The following NOS2 variants were observed in gnomAD, a reference collection of about 807,000 sequenced individuals.
The protein encoded by NOS2 is nitric oxide synthase, inducible.
A neutral mutation model predicts 136.0 loss-of-function variants in NOS2; 96 were observed. The observed-to-expected ratio is 0.71, with a 90% confidence interval of 0.60 to 0.84. The LOEUF (loss-of-function observed/expected upper bound fraction) is 0.84, where lower values mean the gene tolerates loss of function less well. NOS2 is among the 40% of genes least tolerant of loss of function. The probability of loss-of-function intolerance (pLI) is 0.00; values close to 1 mark genes in which losing one functional copy is unlikely to be tolerated. For synonymous variants in NOS2, 539 were observed against 587.5 expected (o/e 0.92, Z 1.20); for missense variants, 1,237 against 1,496.9 (o/e 0.83, Z 2.87).
chr17:27,786,202 C>CACA (rs1909018004), intron 5 of NOS2, among the ~76,000 whole-genome samples: 1 of 151,758 alleles, frequency 6.6e-6, no homozygotes, highest in Non-Finnish European at 1.5e-5. Flanking sequence ...GTGGGTGGAT[C>CACA]ACAAGGTCAG....
intron 19 of NOS2, 51 bp from the exon 20 acceptor site, chr17:27,765,767 G>A (rs867721838): frequency 6.6e-7 from 1 of 1,519,166 alleles, no homozygotes; most frequent in Non-Finnish European, 8.9e-7. Context: ...TTCCTCCAGG[G>A]CTCCTTGATG....
chr17:27,784,071 T>C (rs1908935984), intron 5 of NOS2, among the ~76,000 whole-genome samples: 1 of 150,288 alleles, frequency 6.7e-6, no homozygotes, highest in Non-Finnish European at 1.5e-5. Context: ...GCTTCTCTCC[T>C]CCCCTCCCAG....
intron 4 of NOS2, 85 bp downstream of exon 4, chr17:27,788,724 A>C: frequency 3.3e-6 from 5 of 1,521,828 alleles, no homozygotes; most frequent in Non-Finnish European, 4.5e-6. Context: ...TGGTTTGCCC[A>C]GGGGGACACC....
chr17:27,797,211 C>T (rs931992152), intron 2 of NOS2, among the ~76,000 whole-genome samples: 4 of 152,338 alleles, frequency 2.6e-5, no homozygotes, highest in African/African-American at 7.2e-5. Context: ...GCCACAGAGT[C>T]CACCTGACTT....
At chr17:27,767,264 C>A (rs181043870) in intron 18 of NOS2, among the ~76,000 whole-genome samples, 9 of 152,350 alleles carry the variant, frequency 5.9e-5, no homozygotes, top group African/African-American at 1.9e-4. Context: ...AGCCTGGAAT[C>A]GCCTCTGTGA....
Position 27,757,195 on chromosome 17 carries a change from G to A in NOS2, c.*51C>T. The A allele has an allele frequency of 6.9e-7, 1 of 1,442,786 alleles. No homozygotes were observed. 89.4% of individuals were successfully genotyped at this position (1,442,786 alleles called of 1,614,324 possible). ...CTGTGACCTCAGATAATGCAGAGCT[G>A]GCTCCATCCTTAAGTTCTGTGCCGG... is the stretch of plus-strand genomic sequence containing the variant. On this transcript the variant is annotated 3_prime_UTR_variant, in exon 27 of 27. Transcript: ENST00000313735.
intron 13 of NOS2, among the ~76,000 whole-genome samples, chr17:27,772,656 G>C (rs1397284290): frequency 6.6e-6 from 1 of 152,176 alleles, no homozygotes; most frequent in African/African-American, 2.4e-5. Context: ...TTGGGAAAAG[G>C]GAGGAGAGAG....
At position 27,760,718 on chromosome 17, in the gene NOS2, T is replaced by A; in HGVS notation, c.2915A>T (p.Asp972Val). The change falls in exon 24 of 27, where the codon GAT becomes GTT. Residue 972 changes from aspartate to valine, a missense_variant. By Grantham distance (152) the Asp-to-Val change is radical (BLOSUM62 -3). Around this residue, in one of 3 missense-constraint regions of NOS2, gnomAD observed 782 missense variants for 909.9 expected, o/e 0.86. Transcript: ENST00000313735. Reference sequence around the variant, plus strand: ...GATGAGGATGCAAGGATGGGAGGGATCCTCGGGGAGGTGGAAGCCGCTGGC... The same window carrying A: ...GATGAGGATGCAAGGATGGGAGGGAACCTCGGGGAGGTGGAAGCCGCTGGC... ...RNASGFHLPE[D>V]PSHPCILIGP... 7.1e-6 allele frequency: 11 copies of A among 1,549,938 alleles called. No homozygotes were observed. The highest frequency in any genetic ancestry group is 9.6e-6 in the Non-Finnish European group (11 of 1,146,956).
chr17:27,765,174 G>T (rs1229104584), intron 20 of NOS2, among the ~76,000 whole-genome samples: 9 of 152,296 alleles, frequency 5.9e-5, no homozygotes, highest in Admixed American at 5.2e-4. Flanking sequence ...TTTTAGTAGA[G>T]ACGGGGTTTT....
At chr17:27,783,600 G>A (rs112170457) in intron 5 of NOS2, among the ~76,000 whole-genome samples, 10 of 152,254 alleles carry the variant, frequency 6.6e-5, no homozygotes, top group South Asian at 4.1e-4. Context: ...TGGCAGCTCC[G>A]GTGTACTGGG....
At chr17:27,797,484 G>A (rs1909387988) in intron 2 of NOS2, among the ~76,000 whole-genome samples, 1 of 152,244 alleles carries the variant, frequency 6.6e-6, no homozygotes, top group Non-Finnish European at 1.5e-5. Context: ...CAGGGCTACT[G>A]AGTGGCAAAG....
chr17:27,797,814 C>T (rs754331493), intron 2 of NOS2, among the ~76,000 whole-genome samples: 17 of 152,066 alleles, frequency 1.1e-4, no homozygotes, highest in Non-Finnish European at 1.5e-4. Flanking sequence ...AGGATGGGCC[C>T]GGGGAGGAGG....
chr17:27,760,362 C>A (rs1171638790), intron 24 of NOS2, among the ~76,000 whole-genome samples, 184 bp from the exon 25 acceptor site: 1 of 152,234 alleles, frequency 6.6e-6, no homozygotes, highest in Non-Finnish European at 1.5e-5. Flanking sequence ...ACTGAAAGTG[C>A]GGATGCAGAA....
chr17:27,780,003 C>T (rs954438113), intron 9 of NOS2, among the ~76,000 whole-genome samples: 1 of 152,176 alleles, frequency 6.6e-6, no homozygotes, highest in African/African-American at 2.4e-5. Context: ...AACTTGTAGT[C>T]TAATGTCTAG....
chr17:27,793,707 T>C, intron 2 of NOS2: 1 of 394,318 alleles, frequency 2.5e-6, no homozygotes, highest in Non-Finnish European at 4.5e-6. Flanking sequence ...CCCGGCTCCT[T>C]AGGCGCAGCT....
chr17:27,798,638 G>A (rs1442856862), intron 2 of NOS2, 62 bp downstream of exon 2: 11 of 967,286 alleles, frequency 1.1e-5, no homozygotes, highest in East Asian at 2.4e-5. Context: ...CTGAGTCATC[G>A]GTGCCGACAG....
chr17:27,786,327 G>A (rs755625278), intron 5 of NOS2, among the ~76,000 whole-genome samples: 1 of 151,984 alleles, frequency 6.6e-6, no homozygotes, highest in South Asian at 2.1e-4. Context: ...TCAGGAGGCC[G>A]AGGCAGGAGA....
intron 2 of NOS2, among the ~76,000 whole-genome samples, chr17:27,791,274 C>A (rs1909172343): frequency 6.6e-6 from 1 of 152,216 alleles, no homozygotes; most frequent in Non-Finnish European, 1.5e-5. Context: ...CTTTGCTTAG[C>A]CAAACTTTAC....
intron 9 of NOS2, among the ~76,000 whole-genome samples, chr17:27,780,372 C>T (rs1113283): frequency 0.22 from 32,730 of 152,146 alleles, 3,648 homozygotes; most frequent in Middle Eastern, 0.24. Context: ...CAGTAGGACT[C>T]TTGAAGTCAC....
Sources: allele counts gnomAD v4.1 joint callset (sites outside exome capture counted in the v4.1 genomes callset), GRCh38; gene constraint gnomAD v4.1.1; regional missense constraint gnomAD v4.1.1; transcripts MANE v1.5; gene names NCBI Gene and HGNC (gene_info 2026-07-23, HGNC 2026-07-21).